TENM3: variants seen among roughly 807,000 people sequenced by gnomAD.
The protein encoded by TENM3 is teneurin transmembrane protein 3.
Under a neutral mutation model 255.1 loss-of-function variants are expected in TENM3, and 63 were observed. The ratio of observed to expected loss-of-function variants is 0.25; its 90% CI spans 0.20 to 0.30. The LOEUF (loss-of-function observed/expected upper bound fraction) is 0.30. Ranked by LOEUF, TENM3 falls within the 10% of genes least tolerant of loss-of-function variation. TENM3 has a pLI of 1.00. For missense variants in TENM3, 2,929 were observed against 3,461.1 expected (o/e 0.85, Z 3.86); for synonymous variants, 1,306 against 1,322.3 (o/e 0.99, Z 0.27).
intron 3 of TENM3, among the ~76,000 whole-genome samples, chr4:182,586,490 T>C (rs913417108): frequency 2.6e-4 from 40 of 152,262 alleles, no homozygotes; most frequent in African/African-American, 8.4e-4. Context: ...GCTTTTAGTG[T>C]TGTATACACA....
chr4:181,790,790 G>C, the TENM3 span, among the ~76,000 whole-genome samples: 1 of 152,172 alleles, frequency 6.6e-6, no homozygotes. Flanking sequence ...CTTACGGAGA[G>C]AGGAAATGGA....
At chr4:181,607,264 C>T in the TENM3 span, among the ~76,000 whole-genome samples, 1 of 152,148 alleles carries the variant, frequency 6.6e-6, no homozygotes, top group Admixed American at 6.5e-5. Flanking sequence ...CCAGACTGTC[C>T]AGTAGAGCTT....
chr4:181,844,574 A>G, the TENM3 span, among the ~76,000 whole-genome samples: 222 of 152,110 alleles, frequency 1.5e-3, no homozygotes, highest in African/African-American at 5.1e-3. Flanking sequence ...AGGCTGAGGC[A>G]GGAGAATGGC....
the TENM3 span, among the ~76,000 whole-genome samples, chr4:182,032,391 G>A: frequency 1.3e-5 from 2 of 152,116 alleles, no homozygotes; most frequent in African/African-American, 4.8e-5. Flanking sequence ...TTTCATCTGG[G>A]GATGAAGCCA....
At chr4:182,009,641 A>G in the TENM3 span, among the ~76,000 whole-genome samples, 1 of 152,044 alleles carries the variant, frequency 6.6e-6, no homozygotes, top group African/African-American at 2.4e-5. Flanking sequence ...CTGCCCAAGG[A>G]GCTTAGGTGT....
At position 182,643,743 on chromosome 4, in the gene TENM3, A is replaced by G. The variant is rs550047784; in HGVS notation, c.989-10028A>G. ...CTCTGATTTTATTTTCTGCAACTTA[A>G]TATGTTCCTAATGAATCTTTCTCAG... On this transcript the variant is annotated intron_variant, in intron 5 of 27. Transcript: ENST00000511685. 4.6e-5 allele frequency among the ~76,000 whole-genome samples: 7 copies of G among 152,330 alleles called. No individual in the cohort carries two copies. In the South Asian group the frequency reaches 8.3e-4, roughly 18 times the overall value.
chr4:181,712,478 C>T, the TENM3 span, among the ~76,000 whole-genome samples: 1 of 152,154 alleles, frequency 6.6e-6, no homozygotes, highest in Non-Finnish European at 1.5e-5. Flanking sequence ...GAGGGCTCCC[C>T]AGAAGCATAG....
the TENM3 span, among the ~76,000 whole-genome samples, chr4:181,907,828 C>T: frequency 1.3e-5 from 2 of 152,052 alleles, no homozygotes; most frequent in Non-Finnish European, 2.9e-5. Flanking sequence ...GGTACCTCCG[C>T]GTTTCAAGAT....
intron 1 of TENM3, among the ~76,000 whole-genome samples, chr4:182,236,573 G>GT (rs1561227112): frequency 6.6e-6 from 1 of 152,084 alleles, no homozygotes; most frequent in African/African-American, 2.4e-5. Flanking sequence ...CAGTGTAGAC[G>GT]TTAAATAATT....
the TENM3 span, among the ~76,000 whole-genome samples, chr4:181,667,007 T>C: frequency 1.3e-5 from 2 of 152,226 alleles, no homozygotes; most frequent in Admixed American, 1.3e-4. Flanking sequence ...CATACTATCA[T>C]ACTTTGACAA....
chr4:181,905,756 A>G, the TENM3 span: 4 of 278,358 alleles, frequency 1.4e-5, no homozygotes, highest in East Asian at 3.7e-4. Flanking sequence ...AATTCTCTTG[A>G]TTAGTTAGCA....
At chr4:181,970,785 A>G in the TENM3 span, among the ~76,000 whole-genome samples, 1 of 152,198 alleles carries the variant, frequency 6.6e-6, no homozygotes, top group Non-Finnish European at 1.5e-5. Context: ...CAAAAGAATA[A>G]TTCTGGGTTT....
the TENM3 span, among the ~76,000 whole-genome samples, chr4:181,470,125 A>AAC: frequency 2.7e-5 from 4 of 150,564 alleles, no homozygotes; most frequent in African/African-American, 9.8e-5. Context: ...AAAAAAAAAA[A>AAC]CATTATTCAA....
At chr4:182,362,658 A>C (rs1313643226) in intron 3 of TENM3, among the ~76,000 whole-genome samples, 5 of 151,544 alleles carry the variant, frequency 3.3e-5, no homozygotes, top group African/African-American at 9.7e-5. Flanking sequence ...AGGGAACTCC[A>C]TGACCCCTTG....
the TENM3 span, chr4:181,906,077 C>A: frequency 3.0e-6 from 1 of 333,458 alleles, no homozygotes; most frequent in South Asian, 3.2e-5. Context: ...AATAACTTTC[C>A]GTAGTAATTC....
chr4:182,352,198 C>T (rs1484708103), intron 3 of TENM3, among the ~76,000 whole-genome samples: 8 of 151,626 alleles, frequency 5.3e-5, no homozygotes, highest in Admixed American at 5.3e-4. Flanking sequence ...CCAGAAAGGG[C>T]GCTGATCATT....
At chr4:182,094,106 T>C in the TENM3 span, among the ~76,000 whole-genome samples, 1 of 151,840 alleles carries the variant, frequency 6.6e-6, no homozygotes, top group Admixed American at 6.6e-5. Flanking sequence ...ACAAAAGAGA[T>C]GAAGTCACCG....
At chr4:182,055,776 A>T in the TENM3 span, among the ~76,000 whole-genome samples, 1 of 152,126 alleles carries the variant, frequency 6.6e-6, no homozygotes, top group East Asian at 1.9e-4. Context: ...ATAAATCCAT[A>T]TGACTTAAGC....
chr4:181,742,675 TA>T, the TENM3 span, among the ~76,000 whole-genome samples: 1 of 151,154 alleles, frequency 6.6e-6, no homozygotes, highest in Non-Finnish European at 1.5e-5. Flanking sequence ...TATTTATTTT[TA>T]TTTTTTTTTA....
Sources: gnomAD v4.1 joint callset for allele counts (sites outside exome capture counted in the v4.1 genomes callset) on GRCh38, gnomAD v4.1.1 for gene constraint, MANE v1.5 for transcripts, NCBI Gene and HGNC (gene_info 2026-07-23, HGNC 2026-07-21) for gene names.